The following TJP1 variants were observed in gnomAD, a reference collection of about 807,000 sequenced individuals.
TJP1 encodes the protein tight junction protein 1.
In TJP1, 43 loss-of-function variants were observed where a neutral mutation model predicts 194.2. The observed-to-expected ratio is 0.22, with a 90% CI of 0.17 to 0.29. The LOEUF is 0.29. Among genes scored for constraint, TJP1 ranks in the 10% least tolerant of loss-of-function variants. The pLI, the probability that TJP1 is intolerant of heterozygous loss-of-function variation, is 1.00. For missense variants in TJP1, 1,971 were observed against 2,185.7 expected (o/e 0.90, Z 1.96); for synonymous variants, 801 against 779.0 (o/e 1.03, Z -0.47).
At chr15:29,790,624 C>T (rs964071376) in intron 2 of TJP1, among the ~76,000 whole-genome samples, 3 of 152,146 alleles carry the variant, frequency 2.0e-5, no homozygotes, top group Non-Finnish European at 4.4e-5. Flanking sequence ...CTACTAAACA[C>T]TGTATCTTAC....
At chr15:29,783,686 T>A (rs1033345313) in intron 2 of TJP1, among the ~76,000 whole-genome samples, 2 of 152,182 alleles carry the variant, frequency 1.3e-5, no homozygotes, top group Non-Finnish European at 2.9e-5. Flanking sequence ...GAGGCCATCA[T>A]CCTTAGCAAA....
At chr15:29,802,057 G>T (rs2048827901) in intron 1 of TJP1, among the ~76,000 whole-genome samples, 1 of 152,156 alleles carries the variant, frequency 6.6e-6, no homozygotes, top group Non-Finnish European at 1.5e-5. Context: ...TGCTCTTGGA[G>T]ACTTAAAATA....
At chr15:29,928,770 C>T (rs569375712) in intron 2 of TJP1, among the ~76,000 whole-genome samples, 9 of 152,146 alleles carry the variant, frequency 5.9e-5, no homozygotes, top group African/African-American at 9.6e-5. Context: ...GGTGAAACCC[C>T]GTCTCTACTA....
chr15:29,773,070 T>C (rs889200427), intron 3 of TJP1, among the ~76,000 whole-genome samples, 163 bp downstream of exon 3: 3 of 152,126 alleles, frequency 2.0e-5, no homozygotes, highest in Admixed American at 6.6e-5. Flanking sequence ...ACCTAGCCAG[T>C]TTCCCTCTTA....
chr15:29,777,274 GA>G (rs1368014776), intron 2 of TJP1, among the ~76,000 whole-genome samples: 6 of 152,132 alleles, frequency 3.9e-5, no homozygotes. Flanking sequence ...CCCCTGCCTT[GA>G]TTTGGGCTAC....
chr15:29,928,168 C>A (rs1409931942), intron 2 of TJP1, among the ~76,000 whole-genome samples: 1 of 151,432 alleles, frequency 6.6e-6, no homozygotes, highest in Non-Finnish European at 1.5e-5. Context: ...CCCACAATTG[C>A]TCTAGATTTA....
chr15:29,822,525 ACGAGGCGAGG>A (rs1048284529), upstream of TJP1: 21 of 975,886 alleles, frequency 2.2e-5, no homozygotes, highest in South Asian at 1.9e-4. Context: ...GCGGGGCTGG[ACGAGGCGAGG>A]CGAGGCGAGG....
chr15:29,756,447 A>G (rs2151483621), intron 8 of TJP1, among the ~76,000 whole-genome samples: 1 of 152,210 alleles, frequency 6.6e-6, no homozygotes, highest in East Asian at 1.9e-4. Flanking sequence ...AGTCTCTCTT[A>G]TAACTTCTTG....
intron 8 of TJP1, among the ~76,000 whole-genome samples, chr15:29,760,555 T>G (rs1390808525): frequency 7.2e-5 from 11 of 152,124 alleles, no homozygotes. Context: ...TTTTGTATTT[T>G]TAGTAGAGAC....
At position 29,796,085 on chromosome 15, in the gene TJP1, C is replaced by T. The variant is rs1229278822; in HGVS notation, c.84+4561G>A. ...AAGGCATCAACCAAAAAAAAAACCACTTACTGGTGAAAGACAGCTTTTACC... is the reference window on the plus strand; with the variant it reads ...AAGGCATCAACCAAAAAAAAAACCATTTACTGGTGAAAGACAGCTTTTACC... On this transcript the variant is annotated intron_variant, in intron 2 of 27. Coordinates refer to ENST00000614355, the MANE Select transcript of TJP1 (RefSeq NM_001330239.4). Among the ~76,000 whole-genome samples the T allele has an allele frequency of 2.6e-5, 4 of 151,950 alleles. No homozygotes were observed. In the East Asian group the frequency reaches 7.7e-4, roughly 29 times the overall value.
rs1397666210 is a variant in TJP1 at position 29,720,386 on chromosome 15, G to T, written c.2735C>A (p.Ser912Tyr). The change falls in exon 19 of 28, where the codon TCC becomes TAC. Residue 912 changes from serine (S) to tyrosine (Y), a missense_variant. Physicochemically the swap from Ser to Tyr is moderately radical, Grantham distance 144. Transcript: ENST00000614355. ...AQPQPIHRID[S>Y]PGFKPASQQK... ...TTGAGAGGCTGGCTTAAATCCAGGG[G>T]AGTCTATTCTATGAATTGGTTGTGG... 2 of 1,604,132 alleles carry T rather than the reference G, an allele frequency of 1.2e-6. No individual in the cohort carries two copies. The highest frequency in any genetic ancestry group is 1.7e-6 in the Non-Finnish European group (2 of 1,174,852).
intron 2 of TJP1, among the ~76,000 whole-genome samples, chr15:29,886,982 C>T (rs1344060545): frequency 6.6e-6 from 1 of 151,856 alleles, no homozygotes; most frequent in East Asian, 1.9e-4. Flanking sequence ...CTGGCCCTAT[C>T]AGATGCCACA....
chr15:29,706,586 G>A (rs1372881266), intron 25 of TJP1, among the ~76,000 whole-genome samples: 1 of 152,146 alleles, frequency 6.6e-6, no homozygotes, highest in Non-Finnish European at 1.5e-5. Context: ...AGAGTTTTAT[G>A]AAGCACATTT....
chr15:29,898,098 C>T (rs1443217747), intron 2 of TJP1, among the ~76,000 whole-genome samples: 1 of 152,134 alleles, frequency 6.6e-6, no homozygotes, highest in Non-Finnish European at 1.5e-5. Flanking sequence ...TGTGTTCCCA[C>T]CCAAATCTTA....
chr15:29,782,551 G>T (rs1244115343), intron 2 of TJP1, among the ~76,000 whole-genome samples: 3 of 152,094 alleles, frequency 2.0e-5, no homozygotes, highest in African/African-American at 7.2e-5. Context: ...AACTCAAAAT[G>T]GATGAAAGAC....
At position 29,818,355 on chromosome 15, in the gene TJP1, T is replaced by C. The variant is rs539066029; in HGVS notation, c.27+3647A>G. Among the ~76,000 whole-genome samples, 11 of 152,364 alleles carry C rather than the reference T, an allele frequency of 7.2e-5. No individual in the cohort carries two copies. In the South Asian group the frequency reaches 2.3e-3, roughly 32 times the overall value. ...TTCTTAACAATGATTCATACCACTT[T>C]CTTACACATTTAAACAATTCTTTGG... On this transcript the variant is annotated intron_variant, in intron 1 of 27. Coordinates refer to ENST00000614355, the MANE Select transcript of TJP1 (RefSeq NM_001330239.4).
intron 23 of TJP1, among the ~76,000 whole-genome samples, chr15:29,712,721 A>C (rs966619580): frequency 2.6e-5 from 4 of 152,086 alleles, no homozygotes; most frequent in Non-Finnish European, 5.9e-5. Flanking sequence ...TGCAGCTGCT[A>C]ATAGTGAGCA....
At chr15:29,861,600 T>G (rs2052084455) in intron 2 of TJP1, among the ~76,000 whole-genome samples, 1 of 152,228 alleles carries the variant, frequency 6.6e-6, no homozygotes, top group Non-Finnish European at 1.5e-5. Flanking sequence ...TTTGGAGATA[T>G]GTCTACTCAA....
chr15:29,900,022 G>A (rs1327257775), intron 2 of TJP1, among the ~76,000 whole-genome samples: 4 of 152,192 alleles, frequency 2.6e-5, no homozygotes, highest in South Asian at 2.1e-4. Context: ...TATATTAAAC[G>A]GTGGTTAAGT....
Sources: allele counts gnomAD v4.1 joint callset (sites outside exome capture counted in the v4.1 genomes callset), GRCh38; gene constraint gnomAD v4.1.1; transcripts MANE v1.5; gene names NCBI Gene and HGNC (gene_info 2026-07-23, HGNC 2026-07-21).